SEC14L1: variants seen among roughly 807,000 people sequenced by gnomAD.
SEC14L1 encodes the protein SEC14-like protein 1.
In SEC14L1, 48 loss-of-function variants were observed where a neutral mutation model predicts 85.3. The ratio of observed to expected loss-of-function variants is 0.56; its 90% confidence interval spans 0.45 to 0.72. The LOEUF (loss-of-function observed/expected upper bound fraction) is 0.72. Ranked by LOEUF, SEC14L1 falls within the 30% of genes least tolerant of loss-of-function variation. The probability of loss-of-function intolerance (pLI) is 0.00; values close to 1 mark genes in which losing one functional copy is unlikely to be tolerated. For synonymous variants in SEC14L1, 391 were observed against 355.5 expected (o/e 1.10, Z -1.12); for missense variants, 682 against 921.4 (o/e 0.74, Z 3.36).
intron 3 of SEC14L1, among the ~76,000 whole-genome samples, chr17:77,105,467 T>A (rs903052124): frequency 6.9e-6 from 1 of 145,980 alleles, no homozygotes; most frequent in Non-Finnish European, 1.5e-5. Context: ...AAATTGTGCT[T>A]ACCACCCTCT....
chr17:77,151,836 C>T (rs1973572954), intron 3 of SEC14L1, among the ~76,000 whole-genome samples: 1 of 152,122 alleles, frequency 6.6e-6, no homozygotes, highest in Non-Finnish European at 1.5e-5. Flanking sequence ...GACCCTGTCT[C>T]TAAAAAACAA....
At chr17:77,197,759 C>G (rs1975890382) in intron 8 of SEC14L1, among the ~76,000 whole-genome samples, 2 of 152,234 alleles carry the variant, frequency 1.3e-5, no homozygotes, top group Non-Finnish European at 2.9e-5. Flanking sequence ...GCTCTGCCAC[C>G]ATTGCTGGCT....
Position 77,126,366 on chromosome 17 carries a change from T to C in SEC14L1, c.-135-16280T>C, listed in dbSNP as rs577340853. ...ACAACTGGTAGAAAATAGAGGGAACTGTGTTCGTTCTTCAAGGAAACTGTA... is the reference window on the plus strand; with the variant it reads ...ACAACTGGTAGAAAATAGAGGGAACCGTGTTCGTTCTTCAAGGAAACTGTA... On this transcript the variant is annotated intron_variant, in intron 3 of 19. Transcript: ENST00000392476. Among the ~76,000 whole-genome samples, 16 of 152,336 alleles carry C rather than the reference T, an allele frequency of 1.1e-4. 1 individual carries two copies. The highest frequency in any genetic ancestry group is 1.9e-4 in the Non-Finnish European group (13 of 68,024).
At chr17:77,212,440 A>G (rs529291492) in intron 15 of SEC14L1, among the ~76,000 whole-genome samples, 3 of 152,312 alleles carry the variant, frequency 2.0e-5, no homozygotes, top group East Asian at 1.9e-4. Flanking sequence ...AGCCTGTGAC[A>G]GGAAGGGAAG....
chr17:77,175,577 T>C (rs1454244350), intron 3 of SEC14L1, among the ~76,000 whole-genome samples: 1 of 152,250 alleles, frequency 6.6e-6, no homozygotes, highest in Non-Finnish European at 1.5e-5. Flanking sequence ...AGTTCCGGCC[T>C]ACTCAGGCTT....
intron 3 of SEC14L1, among the ~76,000 whole-genome samples, chr17:77,100,056 G>C (rs1221562518): frequency 6.6e-6 from 1 of 152,172 alleles, no homozygotes; most frequent in East Asian, 1.9e-4. Flanking sequence ...CCCTGCTCTG[G>C]CGCTCCCAGC....
At chr17:77,110,280 C>T (rs1972017811) in intron 3 of SEC14L1, among the ~76,000 whole-genome samples, 1 of 152,032 alleles carries the variant, frequency 6.6e-6, no homozygotes, top group East Asian at 1.9e-4. Context: ...CATTGTTGGA[C>T]AAAAAGAAAA....
At chr17:77,093,890 C>T (rs1971575558) in intron 3 of SEC14L1, 1 of 152,236 alleles carries the variant, frequency 6.6e-6, no homozygotes, top group Non-Finnish European at 1.5e-5. Flanking sequence ...TGAGCCACTG[C>T]ACTGGCCCAG....
Position 77,092,260 on chromosome 17 carries a change from A to G in SEC14L1, c.-239-984A>G, listed in dbSNP as rs534554393. On this transcript the variant is annotated intron_variant, in intron 2 of 19. Coordinates refer to the SEC14L1 transcript ENST00000392476. The stretch of plus-strand genomic sequence containing the variant: ...CAATTAAGTACCTACAGGGGTAAGC[A>G]CATTGAGTCATACGCCGTGGAGGGA... Among the ~76,000 whole-genome samples the G allele has an allele frequency of 2.6e-5, 4 of 152,350 alleles. No homozygotes were observed. The East Asian group carries it at 7.7e-4, about 29-fold the overall frequency.
intron 3 of SEC14L1, among the ~76,000 whole-genome samples, chr17:77,153,485 AT>A (rs748087804): frequency 6.6e-6 from 1 of 152,092 alleles, no homozygotes; most frequent in Non-Finnish European, 1.5e-5. Flanking sequence ...GATGCAAAAT[AT>A]TTTTTTCCCA....
At chr17:77,139,003 T>A (rs1470865784), upstream of SEC14L1, among the ~76,000 whole-genome samples, 2 of 152,196 alleles carry the variant, frequency 1.3e-5, no homozygotes, top group African/African-American at 4.8e-5. Context: ...CCCCTCTTTT[T>A]TTCCTTTGGA....
chr17:77,196,115 C>T (rs1238457663), intron 7 of SEC14L1, 87 bp from the exon 8 acceptor site: 1 of 1,009,494 alleles, frequency 9.9e-7, no homozygotes, highest in African/African-American at 1.6e-5. Context: ...ACTCTAGGAC[C>T]ACACGTTAAC....
chr17:77,170,839 G>A (rs1974495419), intron 3 of SEC14L1, among the ~76,000 whole-genome samples: 1 of 152,128 alleles, frequency 6.6e-6, no homozygotes, highest in Non-Finnish European at 1.5e-5. Context: ...CTTTAATAAC[G>A]AGGGCAGTGA....
At chr17:77,136,699 C>T (rs73376358), upstream of SEC14L1, among the ~76,000 whole-genome samples, 3,295 of 152,200 alleles carry the variant, frequency 0.022, 126 homozygotes, top group African/African-American at 0.075. Context: ...AAGCGTCGTT[C>T]GGGGAGCAGG....
At chr17:77,127,012 T>G (rs928126799) in intron 3 of SEC14L1, among the ~76,000 whole-genome samples, 5 of 151,902 alleles carry the variant, frequency 3.3e-5, no homozygotes, top group African/African-American at 1.2e-4. Flanking sequence ...CTTTTTCTCT[T>G]TATTTCTTCT....
chr17:77,142,292 A>G (rs1294365880), intron 1 of SEC14L1, among the ~76,000 whole-genome samples: 1 of 152,170 alleles, frequency 6.6e-6, no homozygotes, highest in Non-Finnish European at 1.5e-5. Flanking sequence ...TGGGAATTCT[A>G]TACCAGGCGC....
chr17:77,166,408 C>T (rs960966296), intron 3 of SEC14L1, among the ~76,000 whole-genome samples: 10 of 152,222 alleles, frequency 6.6e-5, no homozygotes, highest in African/African-American at 4.8e-5. Context: ...GCCAGATCTG[C>T]CTCTTCTAAA....
chr17:77,134,663 G>T (rs575176588), intron 3 of SEC14L1, among the ~76,000 whole-genome samples: 1 of 152,202 alleles, frequency 6.6e-6, no homozygotes, highest in African/African-American at 2.4e-5. Context: ...CCCAGGAGGC[G>T]GATGTTGCAG....
In SEC14L1 at chr17:77,205,323, A is replaced by C. The variant is rs773924463; in HGVS notation, c.1146A>C (p.Thr382=). Reference sequence around the variant, plus strand: ...GGCTAAGGCGATGCGAAGAGAATACAAAAGTCTTTGGTCGGCCTATCAGGT... The same window carrying C: ...GGCTAAGGCGATGCGAAGAGAATACCAAAGTCTTTGGTCGGCCTATCAGGT... ...EEGLRRCEEN[T]KVFGRPISSW... is the part of the protein sequence containing the mutation. Residue 382 remains threonine (T), a synonymous_variant, in exon 11 of 17, where the codon ACA becomes ACC. Transcript: ENST00000436233. The C allele has an allele frequency of 1.9e-6, 3 of 1,614,210 alleles. No individual in the cohort carries two copies. Among genetic ancestry groups the C allele is most frequent in the Non-Finnish European group, 2.5e-6 (3 of 1,180,008 alleles).
Sources: gnomAD v4.1 joint callset for allele counts (sites outside exome capture counted in the v4.1 genomes callset) on GRCh38, gnomAD v4.1.1 for gene constraint, MANE v1.5 for transcripts, NCBI Gene and HGNC (gene_info 2026-07-23, HGNC 2026-07-21) for gene names.